The following CASZ1 variants were observed in gnomAD, a reference collection of about 807,000 sequenced individuals.
CASZ1 encodes castor zinc finger 1, also known as zinc finger protein castor homolog 1.
In CASZ1, 28 loss-of-function variants were observed where a neutral mutation model predicts 135.2. That is an observed-to-expected ratio of 0.21 (90% CI 0.15 to 0.28). The LOEUF (loss-of-function observed/expected upper bound fraction) is 0.28. CASZ1 is among the 10% of genes least tolerant of loss of function. The probability of loss-of-function intolerance (pLI) is 1.00; values close to 1 mark genes in which losing one functional copy is unlikely to be tolerated. For missense variants in CASZ1, 2,161 were observed against 2,453.3 expected (o/e 0.88, Z 2.52); for synonymous variants, 1,068 against 1,073.4 (o/e 0.99, Z 0.10).
Position 10,639,452 on chromosome 1 carries a change from C to T in CASZ1, c.4770G>A (p.Ser1590=). The change falls in exon 21 of 21, where the codon TCG becomes TCA. Residue 1590 remains serine (S), a synonymous_variant. Transcript: ENST00000377022. This position sits in a 1 kb window ranked among gnomAD's most constrained non-coding sequence, Gnocchi z 4.0. ...CCTGCTTCTCGTGCTTGCGCTTGTG[C>T]GAGTCCATCTGCGACATGCCCACCA... ...HTVVGMSQMD[S]HKRKHEKQER... is the part of the protein sequence containing the mutation. 1.3e-6 allele frequency: 2 copies of T among 1,597,796 alleles called. No individual in the cohort carries two copies. Among genetic ancestry groups the T allele is most frequent in the Non-Finnish European group, 8.5e-7 (1 of 1,173,350 alleles).
chr1:10,745,018 T>C (rs1165277757), intron 2 of CASZ1, among the ~76,000 whole-genome samples: 1 of 152,126 alleles, frequency 6.6e-6, no homozygotes, highest in Non-Finnish European at 1.5e-5. Flanking sequence ...CACCTGACCT[T>C]CTAGCCCCAG....
intron 4 of CASZ1, among the ~76,000 whole-genome samples, chr1:10,690,150 C>T (rs1638718144): frequency 6.6e-6 from 1 of 152,234 alleles, no homozygotes; most frequent in Non-Finnish European, 1.5e-5. Flanking sequence ...CGTGGAATCT[C>T]TTCCTCCAGT....
intron 2 of CASZ1, among the ~76,000 whole-genome samples, chr1:10,758,394 C>T (rs1435446008): frequency 5.4e-5 from 8 of 148,026 alleles, no homozygotes; most frequent in African/African-American, 1.3e-4. Context: ...TGCAGTGGCG[C>T]GATCTTGGCT....
At chr1:10,688,109 A>C (rs1638652003) in intron 4 of CASZ1, among the ~76,000 whole-genome samples, 1 of 152,182 alleles carries the variant, frequency 6.6e-6, no homozygotes, top group Non-Finnish European at 1.5e-5. Flanking sequence ...GCAGTACACC[A>C]GCTACCATCT....
Position 10,685,193 on chromosome 1 carries a change from C to T in CASZ1, c.16+8681G>A, listed in dbSNP as rs975126621. Among the ~76,000 whole-genome samples, 45 of 152,236 alleles carry T rather than the reference C, an allele frequency of 3.0e-4. 1 individual carries two copies. The highest frequency in any genetic ancestry group is 1.0e-4 in the Non-Finnish European group (7 of 68,040). Reference sequence around the variant, plus strand: ...GCATCTGGCAATGACTTCACCACTGCGGCCGGGCCCTGCAGGGGAGAAGGG... The same window carrying T: ...GCATCTGGCAATGACTTCACCACTGTGGCCGGGCCCTGCAGGGGAGAAGGG... On this transcript the variant is annotated intron_variant, in intron 4 of 20. Coordinates refer to ENST00000377022, the MANE Select transcript of CASZ1 (RefSeq NM_001079843.3).
At position 10,782,019 on chromosome 1, in the gene CASZ1, G is replaced by C. The variant is rs1015457584; in HGVS notation, c.-234+14545C>G. 2.6e-5 allele frequency among the ~76,000 whole-genome samples: 4 copies of C among 152,216 alleles called. No homozygotes were observed. In the South Asian group the frequency reaches 8.3e-4, roughly 32 times the overall value. ...CCCTGAGGGGCCTCCCTGGCCACTG[G>C]GGGCACAGACACCCCCCAGGAGCAG... is the stretch of plus-strand genomic sequence containing the variant. On this transcript the variant is annotated intron_variant, in intron 1 of 20. Transcript: ENST00000377022.
chr1:10,770,264 T>C (rs1277640823), intron 1 of CASZ1, among the ~76,000 whole-genome samples: 1 of 152,022 alleles, frequency 6.6e-6, no homozygotes, highest in Non-Finnish European at 1.5e-5. Flanking sequence ...TCTGTATCTT[T>C]TGTTGAGACA....
At chr1:10,660,848 C>T (rs79792288) in intron 5 of CASZ1, 6,719 of 383,586 alleles carry the variant, frequency 0.018, 84 homozygotes, top group Middle Eastern at 0.026. Flanking sequence ...TCCGCTCTCT[C>T]GCCTTGGCCT....
rs887778151 is a variant in CASZ1 at position 10,767,702 on chromosome 1, C to T, written c.-233-6845G>A. ...TAATTCATCCATCGCAGAAGATAAT[C>T]GATAGAGCCCGTAATGAAAATCTGA... On this transcript the variant is annotated intron_variant, in intron 1 of 20. Coordinates refer to ENST00000377022, the MANE Select transcript of CASZ1 (RefSeq NM_001079843.3). This position sits in a 1 kb window ranked among gnomAD's most constrained non-coding sequence, Gnocchi z 4.2. 1.8e-4 allele frequency among the ~76,000 whole-genome samples: 28 copies of T among 152,126 alleles called. No individual in the cohort carries two copies. Among genetic ancestry groups the T allele is most frequent in the African/African-American group, 5.1e-4 (21 of 41,400 alleles).
rs969546535 is a variant in CASZ1 at position 10,739,279 on chromosome 1, G to A, written c.-77+21422C>T. On this transcript the variant is annotated intron_variant, in intron 2 of 20. Transcript: ENST00000377022. This position sits in a 1 kb window ranked among gnomAD's most constrained non-coding sequence, Gnocchi z 4.8. ...GTGTGTGCGCCTGGGGGTCACCCCT[G>A]CTGTCTCTCTGGGTAGGGGTGCAGG... Among the ~76,000 whole-genome samples the A allele has an allele frequency of 6.6e-6, 1 of 152,114 alleles. No homozygotes were observed. Among genetic ancestry groups the A allele is most frequent in the Non-Finnish European group, 1.5e-5 (1 of 67,998 alleles).
chr1:10,743,972 C>T (rs1050063484), intron 2 of CASZ1, among the ~76,000 whole-genome samples: 2 of 151,976 alleles, frequency 1.3e-5, no homozygotes, highest in Non-Finnish European at 2.9e-5. Flanking sequence ...TCAGGGGACA[C>T]CCAACTATCT....
chr1:10,651,861 A>C (rs558175379), intron 11 of CASZ1: 1 of 152,334 alleles, frequency 6.6e-6, no homozygotes, highest in South Asian at 2.1e-4. Context: ...CCTGTGCTTG[A>C]TCTTTCTTTT....
At position 10,709,515 on chromosome 1, in the gene CASZ1, G is replaced by A. The variant is rs142890871; in HGVS notation, c.-76-3971C>T. Among the ~76,000 whole-genome samples, 1 of 152,304 alleles carries A rather than the reference G, an allele frequency of 6.6e-6. No individual in the cohort carries two copies. Among genetic ancestry groups the A allele is most frequent in the East Asian group, 1.9e-4 (1 of 5,188 alleles). ...CCCGAGTGAGAGTCTCACTACCCCG[G>A]GACCAGGCGTGACAAAACCTATTTT... On this transcript the variant is annotated intron_variant, in intron 2 of 20. Transcript: ENST00000377022. This position sits in a 1 kb window ranked among gnomAD's most constrained non-coding sequence, Gnocchi z 5.1.
chr1:10,649,172 C>G lies in CASZ1; in HGVS notation c.3056G>C (p.Cys1019Ser). ...GTGGAGGAAGTCACACTGGCCGTCA[C>G]AGAAGTCCTTTGTACCAAACCTAGC... The part of the protein sequence containing the change: ...YLRRFGTKDF[C>S]DGQCDFLHKA... The change falls in exon 15 of 21, where the codon TGT becomes TCT. Residue 1019 changes from cysteine (C) to serine (S), a missense_variant. By Grantham distance (112) the Cys-to-Ser change is moderately radical (BLOSUM62 -1). Transcript: ENST00000377022. 6.2e-7 allele frequency: 1 copy of G among 1,613,724 alleles called. No homozygotes were observed. The highest frequency in any genetic ancestry group is 1.1e-5 in the South Asian group (1 of 91,080).
At chr1:10,689,646 C>T (rs1013973886) in intron 4 of CASZ1, among the ~76,000 whole-genome samples, 3 of 152,200 alleles carry the variant, frequency 2.0e-5, no homozygotes, top group African/African-American at 4.8e-5. Context: ...TTTCCTCTGA[C>T]GTCTTGCAAC....
rs117615835 is a variant in CASZ1, at chr1:10,726,402, G to A, written c.-76-20858C>T. 2.2e-3 allele frequency among the ~76,000 whole-genome samples: 330 copies of A among 152,322 alleles called. 2 individuals carry two copies. Among genetic ancestry groups the A allele is most frequent in the East Asian group, 0.019 (100 of 5,186 alleles). ...TACTCCGTATCTCCTTTCAGAAGAT[G>A]CTATGAAATACTCATGGCCATCACA... is the stretch of plus-strand genomic sequence containing the variant. On this transcript the variant is annotated intron_variant, in intron 2 of 20. Coordinates refer to ENST00000377022, the MANE Select transcript of CASZ1 (RefSeq NM_001079843.3). The surrounding 1 kb of genome is among the most constrained non-coding windows in gnomAD (Gnocchi z 5.7).
At chr1:10,644,228 T>G (rs1012694769) in intron 18 of CASZ1, among the ~76,000 whole-genome samples, 1 of 151,778 alleles carries the variant, frequency 6.6e-6, no homozygotes, top group Non-Finnish European at 1.5e-5. Context: ...CTAGGGAGAG[T>G]CCTGCCTCAT....
chr1:10,694,736 C>CCAG lies in CASZ1; in HGVS notation c.-23-825_-23-824insCTG, dbSNP rs1638886000. 7.0e-6 allele frequency among the ~76,000 whole-genome samples: 1 copy of CCAG among 143,442 alleles called. No individual in the cohort carries two copies. The highest frequency in any genetic ancestry group is 2.5e-5 in the African/African-American group (1 of 40,172). The allele number at this position is 143,442 out of a possible 152,430, so 94.1% of individuals were successfully genotyped here. On this transcript the variant is annotated intron_variant, in intron 3 of 20. Transcript: ENST00000377022. The surrounding 1 kb of genome is among the most constrained non-coding windows in gnomAD (Gnocchi z 6.6). ...CGCCCGCGCCGCACTGGCAGGGCGG[C>CCAG]CGGCTCCATTGGCTCTGCGATTCCC...
chr1:10,648,899 A>G, intron 15 of CASZ1, 171 bp downstream of exon 15: 5 of 851,968 alleles, frequency 5.9e-6, no homozygotes, highest in Non-Finnish European at 5.3e-6. Context: ...TGAGGGCTGC[A>G]TGTGTGAAGG....
Sources: allele counts gnomAD v4.1 joint callset (sites outside exome capture counted in the v4.1 genomes callset), GRCh38; gene constraint gnomAD v4.1.1; non-coding constraint Gnocchi (gnomAD v3.1); transcripts MANE v1.5; gene names NCBI Gene and HGNC (gene_info 2026-07-23, HGNC 2026-07-21).